The following XPOT variants were observed in gnomAD, a reference collection of about 807,000 sequenced individuals.
XPOT encodes the protein exportin-T.
XPOT carries 34 observed loss-of-function variants against 128.2 expected under a neutral mutation model. The ratio of observed to expected loss-of-function variants is 0.27; its 90% CI spans 0.20 to 0.35. The LOEUF (loss-of-function observed/expected upper bound fraction) is 0.35. Ranked by LOEUF, XPOT falls within the 10% of genes least tolerant of loss-of-function variation. The pLI, the probability that XPOT is intolerant of heterozygous loss-of-function variation, is 1.00. For missense variants in XPOT, 838 were observed against 1,125.3 expected (o/e 0.74, Z 3.65); for synonymous variants, 348 against 394.3 (o/e 0.88, Z 1.39).
intron 2 of XPOT, among the ~76,000 whole-genome samples, chr12:64,411,045 C>CT (rs1449905835): frequency 6.6e-6 from 1 of 152,134 alleles, no homozygotes; most frequent in Non-Finnish European, 1.5e-5. Flanking sequence ...CAACTAGTTT[C>CT]TAATACAGTA....
rs934265110 is a variant in XPOT, at chr12:64,426,053, C to T, written c.1667+144C>T. On this transcript the variant is annotated intron_variant, in intron 15 of 24. Coordinates refer to ENST00000332707, the MANE Select transcript of XPOT (RefSeq NM_007235.6). The stretch of plus-strand genomic sequence containing the variant: ...AAAATGTAGGCCAGGTATGGTGGCT[C>T]ATGCCTATAATCCCAACACTCTGGG... 10 of 732,540 alleles carry T rather than the reference C, an allele frequency of 1.4e-5. No individual in the cohort carries two copies. In the East Asian group the frequency reaches 2.4e-4, roughly 18 times the overall value. 45.4% of individuals were successfully genotyped at this position (732,540 alleles called of 1,614,324 possible).
chr12:64,410,308 A>C (rs1392633741), intron 2 of XPOT, among the ~76,000 whole-genome samples: 1 of 152,242 alleles, frequency 6.6e-6, no homozygotes, highest in South Asian at 2.1e-4. Flanking sequence ...TTAAAATCTC[A>C]TATGATTCAA....
At chr12:64,436,719 T>A (rs2040285241) in intron 22 of XPOT, among the ~76,000 whole-genome samples, 1 of 149,918 alleles carries the variant, frequency 6.7e-6, no homozygotes, top group Non-Finnish European at 1.5e-5. Context: ...TAGCTGGGAG[T>A]ACAGGCGCAC....
chr12:64,435,932 T>C (rs564112735), intron 22 of XPOT, among the ~76,000 whole-genome samples: 1 of 152,230 alleles, frequency 6.6e-6, no homozygotes, highest in South Asian at 2.1e-4. Context: ...GCTTCTTCAC[T>C]ACCAGATTTT....
intron 2 of XPOT, among the ~76,000 whole-genome samples, chr12:64,413,265 G>T (rs983129938): frequency 6.6e-6 from 1 of 152,064 alleles, no homozygotes; most frequent in African/African-American, 2.4e-5. Flanking sequence ...ACCACTTCTG[G>T]CTAATTTTTA....
chr12:64,425,448 A>G lies in XPOT; in HGVS notation c.1563A>G (p.Pro521=), dbSNP rs200579801. 1.9e-6 allele frequency: 3 copies of G among 1,613,964 alleles called. No individual in the cohort carries two copies. Among genetic ancestry groups the G allele is most frequent in the African/African-American group, 1.3e-5 (1 of 75,048 alleles). ...TCACAGTTGAACCTCAGCACATTCC[A>G]TGTGTACTAGTAAGTACTCTGGATT... is the stretch of plus-strand genomic sequence containing the variant. ...KFFTVEPQHI[P]CVLMAFLDHR... is the part of the protein sequence containing the mutation. The change falls in exon 14 of 25, where the codon CCA becomes CCG. Residue 521 remains proline (P), a synonymous_variant. Coordinates refer to ENST00000332707, the MANE Select transcript of XPOT (RefSeq NM_007235.6).
At chr12:64,418,000 G>C (rs1414412174) in intron 4 of XPOT, 46 bp from the exon 5 acceptor site, 2 of 1,489,144 alleles carry the variant, frequency 1.3e-6, no homozygotes, top group Non-Finnish European at 1.8e-6. Flanking sequence ...TACAACCATA[G>C]ACACCAAATA....
chr12:64,413,524 A>C (rs781019961), intron 2 of XPOT, among the ~76,000 whole-genome samples: 3 of 152,008 alleles, frequency 2.0e-5, no homozygotes, highest in African/African-American at 7.3e-5. Flanking sequence ...GCCCAAATGT[A>C]TTTTTTCGTT....
At chr12:64,411,803 A>G (rs2040040873) in intron 2 of XPOT, among the ~76,000 whole-genome samples, 1 of 152,162 alleles carries the variant, frequency 6.6e-6, no homozygotes, top group Non-Finnish European at 1.5e-5. Flanking sequence ...TACATGGGCA[A>G]TAAAAGTTGA....
At chr12:64,436,250 T>C (rs2040281138) in intron 22 of XPOT, among the ~76,000 whole-genome samples, 1 of 152,038 alleles carries the variant, frequency 6.6e-6, no homozygotes, top group African/African-American at 2.4e-5. Context: ...CGTGAGCCAC[T>C]GCGCCTGGCC....
intron 6 of XPOT, among the ~76,000 whole-genome samples, chr12:64,419,836 T>A (rs1200935148): frequency 6.6e-6 from 1 of 152,256 alleles, no homozygotes; most frequent in African/African-American, 2.4e-5. Context: ...TTAAGATTTC[T>A]AAGCAGTGCT....
chr12:64,441,576 A>G (rs929049603), intron 23 of XPOT, among the ~76,000 whole-genome samples: 6 of 151,954 alleles, frequency 3.9e-5, no homozygotes, highest in Admixed American at 1.3e-4. Context: ...TGTTTTTTCT[A>G]TTTCTATAAA....
At chr12:64,412,459 A>G (rs977049333) in intron 2 of XPOT, among the ~76,000 whole-genome samples, 1 of 152,184 alleles carries the variant, frequency 6.6e-6, no homozygotes, top group African/African-American at 2.4e-5. Flanking sequence ...TTAGGTGGTA[A>G]TGCAACATAC....
At chr12:64,425,568 G>C in intron 14 of XPOT, 111 bp downstream of exon 14, 1 of 1,387,136 alleles carries the variant, frequency 7.2e-7, no homozygotes, top group Non-Finnish European at 9.8e-7. Context: ...CCTCTCAGAA[G>C]TGCTTGGCAC....
chr12:64,405,885 G>A (rs1212134861), intron 1 of XPOT, among the ~76,000 whole-genome samples: 1 of 152,154 alleles, frequency 6.6e-6, no homozygotes, highest in East Asian at 1.9e-4. Flanking sequence ...CAAAGTGCTG[G>A]GATTACAGGC....
chr12:64,430,023 T>C, intron 16 of XPOT, 26 bp from the exon 17 acceptor site: 1 of 1,535,318 alleles, frequency 6.5e-7, no homozygotes, highest in Non-Finnish European at 8.7e-7. Context: ...AAATAAAAGC[T>C]TTAATAAGAC....
Position 64,425,834 on chromosome 12 carries a change from G to C in XPOT, c.1592G>C (p.Arg531Thr), listed in dbSNP as rs2040187671. The change falls in exon 15 of 25, where the codon AGA becomes ACA. Residue 531 changes from arginine (R) to threonine (T), a missense_variant. Arg to Thr is a moderately conservative substitution (Grantham distance 71). Around this residue, in one of 3 missense-constraint regions of XPOT, gnomAD observed 761 missense variants for 988.3 expected, o/e 0.77. Transcript: ENST00000332707. ...CTTTAGATGGCTTTCTTAGATCACA[G>C]AGGTCTGCGGCATTCCAGTGCAAAA... ...PCVLMAFLDH[R>T]GLRHSSAKVR... 1.2e-6 allele frequency: 2 copies of C among 1,614,104 alleles called. No homozygotes were observed. Among genetic ancestry groups the C allele is most frequent in the Middle Eastern group, 1.7e-4 (1 of 6,016 alleles).
rs2040268440 is a variant in XPOT at position 64,434,678 on chromosome 12, T to TA, written c.2569+56dup. ...TTCCCAAACTCTTTCATAAAACTCT[T>TA]AGACATAATGGAACATAGCCCTAAC... is the stretch of plus-strand genomic sequence containing the variant. On this transcript the variant is annotated intron_variant, in intron 20 of 24. Coordinates refer to ENST00000332707, the MANE Select transcript of XPOT (RefSeq NM_007235.6). 6 of 1,559,852 alleles carry TA rather than the reference T, an allele frequency of 3.8e-6. No individual in the cohort carries two copies. In the South Asian group the frequency reaches 6.7e-5, roughly 17 times the overall value.
In XPOT at chr12:64,431,692, A is replaced by T. The variant is rs1565801438; in HGVS notation, c.2131A>T (p.Met711Leu). ...RSGVRTFLHR[M>L]IICLEEEVLP... ...TGGAGTCCGTACTTTCCTTCATCGAATGATTATTTGCCTGGAGGAAGAAGT... is the reference window on the plus strand; with the variant it reads ...TGGAGTCCGTACTTTCCTTCATCGATTGATTATTTGCCTGGAGGAAGAAGT... The change falls in exon 18 of 25, where the codon ATG becomes TTG. Residue 711 changes from methionine to leucine, a missense_variant. This residue lies in a region of XPOT where 761 missense variants were observed against 988.3 expected (regional missense o/e 0.77). Coordinates refer to ENST00000332707, the MANE Select transcript of XPOT (RefSeq NM_007235.6). The T allele has an allele frequency of 1.9e-6, 3 of 1,614,016 alleles. No individual in the cohort carries two copies. Among genetic ancestry groups the T allele is most frequent in the Non-Finnish European group, 1.7e-6 (2 of 1,179,944 alleles).
Sources: gnomAD v4.1 joint callset for allele counts (sites outside exome capture counted in the v4.1 genomes callset) on GRCh38, gnomAD v4.1.1 for gene constraint, gnomAD v4.1.1 regional missense constraint, MANE v1.5 for transcripts, NCBI Gene and HGNC (gene_info 2026-07-23, HGNC 2026-07-21) for gene names.